SMYD3: variants seen among roughly 807,000 people sequenced by gnomAD.
The protein encoded by SMYD3 is histone-lysine N-methyltransferase SMYD3.
A neutral mutation model predicts 57.7 loss-of-function variants in SMYD3; 36 were observed. The observed-to-expected ratio is 0.62, with a 90% confidence interval of 0.48 to 0.82. SMYD3 has a LOEUF of 0.82. Among genes scored for constraint, SMYD3 ranks in the 40% least tolerant of loss-of-function variants. The probability of loss-of-function intolerance (pLI) is 0.00; values close to 1 mark genes in which losing one functional copy is unlikely to be tolerated. For missense variants in SMYD3, 515 were observed against 538.8 expected (o/e 0.96, Z 0.44); for synonymous variants, 211 against 195.0 (o/e 1.08, Z -0.68).
chr1:246,262,535 A>C (rs1424214537), intron 5 of SMYD3, among the ~76,000 whole-genome samples: 1 of 152,212 alleles, frequency 6.6e-6, no homozygotes, highest in African/African-American at 2.4e-5. Flanking sequence ...TGGGTGACTC[A>C]GACAGACACA....
intron 3 of SMYD3, among the ~76,000 whole-genome samples, chr1:246,334,124 G>A (rs893816662): frequency 1.2e-4 from 19 of 152,258 alleles, no homozygotes; most frequent in Non-Finnish European, 2.4e-4. Context: ...CTGTTAGTGG[G>A]AATGTAATCT....
At chr1:246,073,102 A>G (rs1379093145) in intron 5 of SMYD3, among the ~76,000 whole-genome samples, 1 of 152,206 alleles carries the variant, frequency 6.6e-6, no homozygotes, top group Non-Finnish European at 1.5e-5. Context: ...ACAATTTCCA[A>G]CCATAGTAAT....
chr1:245,881,907 G>C (rs2052800088), intron 8 of SMYD3, among the ~76,000 whole-genome samples: 1 of 152,192 alleles, frequency 6.6e-6, no homozygotes, highest in Admixed American at 6.5e-5. Context: ...GGACAAGAAA[G>C]AGCTCGGCAT....
chr1:246,074,270 G>C (rs987308294), intron 5 of SMYD3, among the ~76,000 whole-genome samples: 1 of 151,342 alleles, frequency 6.6e-6, no homozygotes, highest in African/African-American at 2.4e-5. Context: ...ACTTTGACCA[G>C]TACTTTTGAG....
At chr1:246,033,428 G>A (rs1349940538) in intron 5 of SMYD3, among the ~76,000 whole-genome samples, 1 of 152,176 alleles carries the variant, frequency 6.6e-6, no homozygotes, top group African/African-American at 2.4e-5. Flanking sequence ...ATCTATAAAA[G>A]GGCAACGTGA....
chr1:246,001,451 C>CA (rs2059042296), intron 5 of SMYD3, among the ~76,000 whole-genome samples: 1 of 152,116 alleles, frequency 6.6e-6, no homozygotes. Context: ...ATGGAAGAGA[C>CA]AGTGTCTGGC....
chr1:245,805,183 G>A (rs1202132144), intron 10 of SMYD3, among the ~76,000 whole-genome samples: 1 of 151,838 alleles, frequency 6.6e-6, no homozygotes, highest in Admixed American at 6.6e-5. Context: ...TTTACCACAT[G>A]TGTAGATTTA....
At chr1:246,376,992 C>A (rs922809531) in intron 1 of SMYD3, among the ~76,000 whole-genome samples, 5 of 151,870 alleles carry the variant, frequency 3.3e-5, no homozygotes, top group African/African-American at 1.2e-4. Context: ...CCCAGCTACT[C>A]AGGAGGTTGA....
intron 5 of SMYD3, among the ~76,000 whole-genome samples, chr1:246,102,757 A>T (rs902461854): frequency 3.4e-5 from 5 of 148,732 alleles, no homozygotes; most frequent in South Asian, 2.1e-4. Flanking sequence ...AAAAAAAAAA[A>T]TAATAATAAT....
chr1:245,941,428 T>A (rs1400605416), intron 5 of SMYD3, among the ~76,000 whole-genome samples: 1 of 152,096 alleles, frequency 6.6e-6, no homozygotes, highest in Non-Finnish European at 1.5e-5. Context: ...AAAGGCCAGG[T>A]CACGTACAAA....
At chr1:246,100,857 C>T (rs1371008506) in intron 5 of SMYD3, among the ~76,000 whole-genome samples, 1 of 151,326 alleles carries the variant, frequency 6.6e-6, no homozygotes, top group Non-Finnish European at 1.5e-5. Flanking sequence ...GCAGTCTTAC[C>T]ATGAGGAGGA....
intron 10 of SMYD3, among the ~76,000 whole-genome samples, chr1:245,784,396 T>C (rs1261868106): frequency 6.6e-6 from 1 of 152,206 alleles, no homozygotes; most frequent in Non-Finnish European, 1.5e-5. Flanking sequence ...ACATATTCTG[T>C]GGGTCAGAAA....
chr1:245,835,491 G>C (rs987049217), intron 10 of SMYD3, among the ~76,000 whole-genome samples: 1 of 152,084 alleles, frequency 6.6e-6, no homozygotes, highest in Non-Finnish European at 1.5e-5. Flanking sequence ...ATACATACTT[G>C]ACAAGGATAT....
At chr1:246,282,413 C>T (rs997470524) in intron 5 of SMYD3, among the ~76,000 whole-genome samples, 5 of 148,518 alleles carry the variant, frequency 3.4e-5, no homozygotes, top group South Asian at 2.1e-4. Flanking sequence ...ATGGAAGGAT[C>T]GCTTGATCCC....
chr1:245,838,273 G>T (rs2050200100), intron 10 of SMYD3, among the ~76,000 whole-genome samples: 1 of 152,232 alleles, frequency 6.6e-6, no homozygotes, highest in African/African-American at 2.4e-5. Context: ...AGGGGGCACA[G>T]ACCCCTCCCA....
intron 5 of SMYD3, among the ~76,000 whole-genome samples, chr1:246,168,277 G>C (rs1038380140): frequency 1.3e-5 from 2 of 152,160 alleles, no homozygotes; most frequent in Admixed American, 6.5e-5. Context: ...GTAATTACTT[G>C]TGTACTTCCA....
intron 5 of SMYD3, among the ~76,000 whole-genome samples, chr1:246,087,119 C>CT (rs1162570877): frequency 2.0e-5 from 3 of 152,182 alleles, no homozygotes; most frequent in Non-Finnish European, 2.9e-5. Context: ...GCTCCTCTAT[C>CT]TGGCAGTTCC....
intron 7 of SMYD3, among the ~76,000 whole-genome samples, chr1:245,921,892 C>A (rs1225196385): frequency 6.6e-6 from 1 of 152,058 alleles, no homozygotes; most frequent in East Asian, 1.9e-4. Flanking sequence ...ATGTTCACTA[C>A]CAGGGTGATG....
At chr1:245,866,363 CT>C (rs57157717) in intron 8 of SMYD3, among the ~76,000 whole-genome samples, 48,715 of 148,744 alleles carry the variant, frequency 0.33, 8,825 homozygotes, top group East Asian at 0.77. Context: ...CATAGGTGCA[CT>C]TTTTTTTTTT....
Sources: allele counts gnomAD v4.1 joint callset (sites outside exome capture counted in the v4.1 genomes callset), GRCh38; gene constraint gnomAD v4.1.1; transcripts MANE v1.5; gene names NCBI Gene and HGNC (gene_info 2026-07-23, HGNC 2026-07-21).